Variants in MSI2 observed in about 807,000 individuals in gnomAD.
The protein encoded by MSI2 is RNA-binding protein Musashi homolog 2.
In MSI2, 17 loss-of-function variants were observed where a neutral mutation model predicts 45.6. That is an observed-to-expected ratio of 0.37 (90% CI 0.26 to 0.56). The LOEUF (loss-of-function observed/expected upper bound fraction) is 0.56, where lower values mean the gene tolerates loss of function less well. MSI2 is among the 20% of genes least tolerant of loss of function. The probability of loss-of-function intolerance (pLI) is 0.77; values close to 1 mark genes in which losing one functional copy is unlikely to be tolerated. For synonymous variants in MSI2, 156 were observed against 158.2 expected (o/e 0.99, Z 0.11); for missense variants, 293 against 444.2 (o/e 0.66, Z 3.06).
intron 6 of MSI2, among the ~76,000 whole-genome samples, chr17:57,477,145 G>GGTGTGTGTGTGTGT (rs59127306): frequency 8.1e-4 from 96 of 118,724 alleles, no homozygotes; most frequent in Admixed American, 1.6e-3. Flanking sequence ...CATAAGGCCT[G>GGTGTGTGTGTGTGT]GTGTGTGTGT....
At chr17:57,620,255 A>G (rs943025316) in intron 9 of MSI2, among the ~76,000 whole-genome samples, 1 of 152,180 alleles carries the variant, frequency 6.6e-6, no homozygotes, top group Non-Finnish European at 1.5e-5. Flanking sequence ...TGGGGTAATA[A>G]TCTTACTTCA....
At chr17:57,616,345 T>C (rs1598455662) in intron 9 of MSI2, 1 of 309,062 alleles carries the variant, frequency 3.2e-6, no homozygotes, top group African/African-American at 2.2e-5. Flanking sequence ...TTATAGGATA[T>C]GTTAGACTAT....
chr17:57,665,856 T>A (rs946787728), intron 11 of MSI2, among the ~76,000 whole-genome samples: 2 of 152,184 alleles, frequency 1.3e-5, no homozygotes, highest in African/African-American at 4.8e-5. Context: ...GGCAGTGCCC[T>A]CTCTGCTTCC....
chr17:57,409,180 G>A (rs1430259078), intron 6 of MSI2, among the ~76,000 whole-genome samples: 1 of 152,234 alleles, frequency 6.6e-6, no homozygotes, highest in African/African-American at 2.4e-5. Context: ...AAAGGGTTGA[G>A]TTTCTGACTG....
chr17:57,333,062 T>C (rs1914399772), intron 5 of MSI2, among the ~76,000 whole-genome samples: 1 of 151,448 alleles, frequency 6.6e-6, no homozygotes, highest in African/African-American at 2.4e-5. Context: ...GATGCAAGAG[T>C]CAGATGCCAG....
the MSI2 span, among the ~76,000 whole-genome samples, chr17:57,698,678 A>T: frequency 6.6e-6 from 1 of 152,100 alleles, no homozygotes; most frequent in Admixed American, 6.5e-5. Flanking sequence ...TCTTGAGTTT[A>T]TGGCCCTCTT....
At chr17:57,677,339 T>C (rs1192149411) in intron 13 of MSI2, among the ~76,000 whole-genome samples, 1 of 152,228 alleles carries the variant, frequency 6.6e-6, no homozygotes, top group African/African-American at 2.4e-5. Flanking sequence ...TCCCCACCCT[T>C]CATCTTTCTC....
chr17:57,325,275 T>A (rs752054079), intron 5 of MSI2, among the ~76,000 whole-genome samples: 1 of 151,774 alleles, frequency 6.6e-6, no homozygotes, highest in Non-Finnish European at 1.5e-5. Context: ...GCACACAGAG[T>A]GGTTTAATGG....
At chr17:57,511,527 CCT>C in intron 6 of MSI2, among the ~76,000 whole-genome samples, 1 of 152,278 alleles carries the variant, frequency 6.6e-6, no homozygotes, top group African/African-American at 2.4e-5. Flanking sequence ...GCTCAGAACG[CCT>C]CTCATTTGCT....
chr17:57,349,769 A>G (rs1212582940), intron 5 of MSI2, among the ~76,000 whole-genome samples: 1 of 152,266 alleles, frequency 6.6e-6, no homozygotes, highest in African/African-American at 2.4e-5. Flanking sequence ...ACACAAAAAG[A>G]GTTAACATTA....
intron 6 of MSI2, among the ~76,000 whole-genome samples, chr17:57,496,155 A>G (rs752565822): frequency 2.0e-5 from 3 of 152,120 alleles, no homozygotes; most frequent in Non-Finnish European, 4.4e-5. Flanking sequence ...ATTTCGGCAT[A>G]ATATGGGTAG....
chr17:57,499,752 G>A (rs1414900200), intron 6 of MSI2, among the ~76,000 whole-genome samples: 1 of 152,182 alleles, frequency 6.6e-6, no homozygotes, highest in Non-Finnish European at 1.5e-5. Flanking sequence ...AGTTCTAGTG[G>A]CTGCCACTGG....
intron 5 of MSI2, among the ~76,000 whole-genome samples, chr17:57,355,829 T>G (rs1916371624): frequency 6.6e-6 from 1 of 152,246 alleles, no homozygotes; most frequent in African/African-American, 2.4e-5. Flanking sequence ...TCAACTAAGA[T>G]ATCCATCAAA....
chr17:57,369,149 C>T (rs2083384792), intron 5 of MSI2, among the ~76,000 whole-genome samples: 1 of 152,234 alleles, frequency 6.6e-6, no homozygotes, highest in Non-Finnish European at 1.5e-5. Context: ...GTGGGAATGA[C>T]AGGGTGCTGT....
chr17:57,376,575 T>A (rs534594094), intron 5 of MSI2, among the ~76,000 whole-genome samples: 12 of 152,142 alleles, frequency 7.9e-5, no homozygotes, highest in Non-Finnish European at 4.4e-5. Context: ...TGACTGGAGA[T>A]CTGGGTTTTC....
chr17:57,633,646 A>C (rs1250752513), intron 10 of MSI2, among the ~76,000 whole-genome samples: 3 of 152,224 alleles, frequency 2.0e-5, no homozygotes, highest in African/African-American at 7.2e-5. Flanking sequence ...ATGAAGCCGG[A>C]GGACCTGGTT....
At chr17:57,304,784 T>G (rs1289015268) in intron 5 of MSI2, among the ~76,000 whole-genome samples, 1 of 152,136 alleles carries the variant, frequency 6.6e-6, no homozygotes, top group Non-Finnish European at 1.5e-5. Flanking sequence ...TTGTCAGTAG[T>G]CTTAAGCTAT....
At chr17:57,620,882 G>A (rs1270470211) in intron 9 of MSI2, among the ~76,000 whole-genome samples, 1 of 152,186 alleles carries the variant, frequency 6.6e-6, no homozygotes, top group Non-Finnish European at 1.5e-5. Context: ...GCAGTGTCAA[G>A]TTGTATCTGA....
chr17:57,346,074 A>G (rs1286067074), intron 5 of MSI2, among the ~76,000 whole-genome samples: 2 of 152,134 alleles, frequency 1.3e-5, no homozygotes, highest in Admixed American at 6.5e-5. Context: ...AAATGTTGTT[A>G]TTTATCACTT....
Sources: allele counts gnomAD v4.1 joint callset (sites outside exome capture counted in the v4.1 genomes callset), GRCh38; gene constraint gnomAD v4.1.1; transcripts MANE v1.5; gene names NCBI Gene and HGNC (gene_info 2026-07-23, HGNC 2026-07-21).